ARHGAP15: variants seen among roughly 807,000 people sequenced by gnomAD.
The protein encoded by ARHGAP15 is rho GTPase-activating protein 15.
In ARHGAP15, 51 loss-of-function variants were observed where a neutral mutation model predicts 63.7. The observed-to-expected ratio is 0.80, with a 90% CI of 0.64 to 1.01. The LOEUF (loss-of-function observed/expected upper bound fraction) is 1.01. Among genes scored for constraint, ARHGAP15 ranks in the 50% least tolerant of loss-of-function variants. The pLI is 0.00. For missense variants in ARHGAP15, 560 were observed against 564.6 expected (o/e 0.99, Z 0.08); for synonymous variants, 191 against 193.8 (o/e 0.99, Z 0.12).
intron 11 of ARHGAP15, among the ~76,000 whole-genome samples, chr2:143,605,690 G>C (rs1183441611): frequency 7.9e-5 from 12 of 151,330 alleles, no homozygotes; most frequent in Admixed American, 7.9e-4. Context: ...AGAACTGATG[G>C]GCCACAGGGA....
At chr2:143,392,827 A>G (rs1372997997) in intron 6 of ARHGAP15, among the ~76,000 whole-genome samples, 2 of 152,182 alleles carry the variant, frequency 1.3e-5, no homozygotes, top group East Asian at 3.8e-4. Flanking sequence ...GTTTTCAACA[A>G]AAGTCATTAT....
At chr2:143,322,586 C>T (rs1301814881) in intron 6 of ARHGAP15, among the ~76,000 whole-genome samples, 1 of 152,080 alleles carries the variant, frequency 6.6e-6, no homozygotes, top group Non-Finnish European at 1.5e-5. Context: ...AAACATTTTC[C>T]TTTAGTTAGA....
intron 12 of ARHGAP15, among the ~76,000 whole-genome samples, chr2:143,672,349 C>G (rs952764682): frequency 1.3e-5 from 2 of 151,926 alleles, no homozygotes; most frequent in African/African-American, 4.8e-5. Context: ...AGACAAAAAC[C>G]CATAAAGTGG....
At chr2:143,257,817 A>T (rs889449644) in intron 6 of ARHGAP15, among the ~76,000 whole-genome samples, 21 of 152,094 alleles carry the variant, frequency 1.4e-4, no homozygotes, top group Admixed American at 3.9e-4. Flanking sequence ...GCCACTGGGG[A>T]ATTTTATGGA....
chr2:143,393,933 G>A (rs1372149353), intron 6 of ARHGAP15, among the ~76,000 whole-genome samples: 4 of 152,100 alleles, frequency 2.6e-5, no homozygotes, highest in Admixed American at 6.6e-5. Context: ...ACATTTGTCA[G>A]CATTGGCATT....
intron 6 of ARHGAP15, among the ~76,000 whole-genome samples, chr2:143,293,008 G>A (rs915486095): frequency 2.6e-5 from 4 of 151,922 alleles, no homozygotes; most frequent in African/African-American, 9.7e-5. Flanking sequence ...ATTTCACTTA[G>A]CTTATCATAC....
rs1432320284 is a variant in ARHGAP15, at chr2:143,638,210, A to C, written c.1138+13943A>C. On this transcript the variant is annotated intron_variant, in intron 12 of 13. Transcript: ENST00000295095. ...TAAAGACACATGCACACGTATGTTT[A>C]TTGCGGCACTATTCACGATAGCAAA... is the stretch of plus-strand genomic sequence containing the variant. 2.1e-5 allele frequency among the ~76,000 whole-genome samples: 3 copies of C among 145,112 alleles called. No homozygotes were observed. In the Admixed American group the frequency reaches 2.1e-4, roughly 10 times the overall value.
At chr2:143,242,993 C>T (rs748308687) in intron 5 of ARHGAP15, among the ~76,000 whole-genome samples, 1 of 152,090 alleles carries the variant, frequency 6.6e-6, no homozygotes, top group Non-Finnish European at 1.5e-5. Flanking sequence ...TAAAAAATGG[C>T]GCTAATAACC....
intron 1 of ARHGAP15, among the ~76,000 whole-genome samples, chr2:143,138,441 G>A (rs1293180698): frequency 6.6e-6 from 1 of 152,026 alleles, no homozygotes; most frequent in Non-Finnish European, 1.5e-5. Context: ...TTATTCATGA[G>A]GCCCTAGAGT....
intron 12 of ARHGAP15, among the ~76,000 whole-genome samples, chr2:143,634,793 G>T (rs1680220963): frequency 6.6e-6 from 1 of 152,008 alleles, no homozygotes; most frequent in Non-Finnish European, 1.5e-5. Context: ...TTTCTCCTTT[G>T]TTCTGCCAGA....
intron 6 of ARHGAP15, among the ~76,000 whole-genome samples, chr2:143,382,155 T>G (rs35055041): frequency 0.24 from 35,046 of 149,018 alleles, 4,257 homozygotes; most frequent in Admixed American, 0.33. Context: ...CCTCCCTTCC[T>G]TCCACCAGCC....
At chr2:143,162,257 C>A (rs1419993103) in intron 2 of ARHGAP15, 2 of 151,932 alleles carry the variant, frequency 1.3e-5, no homozygotes, top group African/African-American at 2.4e-5. Flanking sequence ...ATACAGCTGA[C>A]CCCGAATCAC....
At chr2:143,145,560 C>T (rs546187421) in intron 1 of ARHGAP15, among the ~76,000 whole-genome samples, 4 of 152,154 alleles carry the variant, frequency 2.6e-5, no homozygotes, top group Admixed American at 6.6e-5. Flanking sequence ...ATCTGAACTT[C>T]TCAGTATTCC....
At chr2:143,626,016 T>C (rs886892997) in intron 12 of ARHGAP15, among the ~76,000 whole-genome samples, 2 of 152,158 alleles carry the variant, frequency 1.3e-5, no homozygotes, top group African/African-American at 4.8e-5. Flanking sequence ...CATGAGAGTA[T>C]GTCTTTTGAA....
At chr2:143,385,824 T>C (rs1687266088) in intron 6 of ARHGAP15, among the ~76,000 whole-genome samples, 1 of 152,110 alleles carries the variant, frequency 6.6e-6, no homozygotes. Context: ...TAAACATTGA[T>C]CTAGATTTTT....
chr2:143,135,008 G>A (rs772310489), intron 1 of ARHGAP15, among the ~76,000 whole-genome samples: 19 of 152,184 alleles, frequency 1.2e-4, no homozygotes, highest in Non-Finnish European at 2.4e-4. Context: ...GAATGTTCAA[G>A]TGAAGGAGGA....
intron 6 of ARHGAP15, among the ~76,000 whole-genome samples, chr2:143,342,830 C>G (rs1285331243): frequency 3.3e-5 from 5 of 152,058 alleles, no homozygotes; most frequent in African/African-American, 1.2e-4. Flanking sequence ...CCTTAGTGAG[C>G]TGTTCCCTAA....
intron 6 of ARHGAP15, among the ~76,000 whole-genome samples, chr2:143,283,549 G>A (rs1443662738): frequency 6.6e-6 from 1 of 152,136 alleles, no homozygotes; most frequent in Non-Finnish European, 1.5e-5. Flanking sequence ...GATGCTGTCA[G>A]CCTTTGTTGC....
chr2:143,273,693 T>C (rs1396672973), intron 6 of ARHGAP15, among the ~76,000 whole-genome samples: 1 of 152,166 alleles, frequency 6.6e-6, no homozygotes, highest in Non-Finnish European at 1.5e-5. Context: ...TTGTACAATT[T>C]TTTAATTTTA....
Sources: gnomAD v4.1 joint callset for allele counts (sites outside exome capture counted in the v4.1 genomes callset) on GRCh38, gnomAD v4.1.1 for gene constraint, MANE v1.5 for transcripts, NCBI Gene and HGNC (gene_info 2026-07-23, HGNC 2026-07-21) for gene names.